Variants in INKA2 observed in about 807,000 individuals in gnomAD.
INKA2 encodes the protein PAK4-inhibitor INKA2.
A neutral mutation model predicts 9.8 loss-of-function variants in INKA2; 3 were observed. That is an observed-to-expected ratio of 0.31 (90% CI 0.14 to 0.79). INKA2 has a LOEUF of 0.79. Ranked by LOEUF, INKA2 falls within the 30% of genes least tolerant of loss-of-function variation. The pLI is 0.62. For missense variants in INKA2, 392 were observed against 384.4 expected (o/e 1.02, Z -0.17); for synonymous variants, 147 against 143.3 (o/e 1.03, Z -0.18).
At chr1:111,737,524 G>T (rs1663032055) in intron 1 of INKA2, among the ~76,000 whole-genome samples, 1 of 152,160 alleles carries the variant, frequency 6.6e-6, no homozygotes, top group Non-Finnish European at 1.5e-5. Context: ...CTCTGCATGG[G>T]TCTTGGACCT....
In INKA2 at chr1:111,751,942, A is replaced by AT. The variant is rs34187656; in HGVS notation, n.124+3758dup. Reference sequence around the variant, plus strand: ...TGTCCAGAAAAATGACATTTCCCAGATTTTTTTTTTTTTTTTGCAAGAAGG... The same window carrying AT: ...TGTCCAGAAAAATGACATTTCCCAGATTTTTTTTTTTTTTTTTGCAAGAAGG... On this transcript the variant is annotated intron_variant and non_coding_transcript_variant, in intron 1 of 1. Coordinates refer to the INKA2 transcript ENST00000444059. Among the ~76,000 whole-genome samples, 1,010 of 142,344 alleles carry AT rather than the reference A, an allele frequency of 7.1e-3. 5 individuals carry two copies. The highest frequency in any genetic ancestry group is 0.018 in the Middle Eastern group (5 of 276). 93.4% of individuals were successfully genotyped at this position (142,344 alleles called of 152,430 possible).
At chr1:111,736,984 C>T (rs183103605) in intron 1 of INKA2, among the ~76,000 whole-genome samples, 2 of 152,256 alleles carry the variant, frequency 1.3e-5, no homozygotes, top group South Asian at 2.1e-4. Flanking sequence ...GTGAGTGACA[C>T]TCTACTAGCT....
Position 111,739,287 on chromosome 1 carries a change from A to T in INKA2, c.-45T>A, listed in dbSNP as rs924608907. 5.6e-6 allele frequency: 9 copies of T among 1,611,328 alleles called. No individual in the cohort carries two copies. The African/African-American group carries it at 1.1e-4, about 19-fold the overall frequency. Reference sequence around the variant, plus strand: ...GGTTCAAACAGAGAGGGCCCGGGTGAAACCCCGGCCCCACTGGAAACTGCG... The same window carrying T: ...GGTTCAAACAGAGAGGGCCCGGGTGTAACCCCGGCCCCACTGGAAACTGCG... On this transcript the variant is annotated 5_prime_UTR_variant, in exon 1 of 2. Coordinates refer to ENST00000357260, the MANE Select transcript of INKA2 (RefSeq NM_019099.5).
At chr1:111,742,526 G>T (rs1663171823), upstream of INKA2, among the ~76,000 whole-genome samples, 2 of 152,238 alleles carry the variant, frequency 1.3e-5, no homozygotes. Context: ...GGAGGTTTCA[G>T]TGAGCCGAAA....
chr1:111,728,835 A>C (rs2101358706), intron 1 of INKA2, among the ~76,000 whole-genome samples: 1 of 151,616 alleles, frequency 6.6e-6, no homozygotes, highest in South Asian at 2.1e-4. Flanking sequence ...ATTTCAGATA[A>C]GGAATGCCCA....
chr1:111,738,746 C>T (rs530775785), intron 1 of INKA2, among the ~76,000 whole-genome samples: 4 of 152,248 alleles, frequency 2.6e-5, no homozygotes, highest in Admixed American at 2.0e-4. Context: ...GGACCCAGCA[C>T]CCTCCTCCTC....
chr1:111,755,649 G>GC (rs896570602), intron 1 of INKA2: 54 of 1,608,372 alleles, frequency 3.4e-5, no homozygotes, highest in Non-Finnish European at 4.5e-5. Flanking sequence ...GCGGGGCGGT[G>GC]CCCCCACCGC....
At chr1:111,747,587 G>T (rs1317542737) in intron 1 of INKA2, 4 of 152,322 alleles carry the variant, frequency 2.6e-5, no homozygotes, top group Admixed American at 2.6e-4. Flanking sequence ...TCATTTACTG[G>T]TGTGCACCCT....
intron 1 of INKA2, among the ~76,000 whole-genome samples, chr1:111,752,497 G>A (rs1663432366): frequency 6.6e-6 from 1 of 152,098 alleles, no homozygotes; most frequent in African/African-American, 2.4e-5. Context: ...GAAAATTTTT[G>A]TTGAATGATT....
intron 1 of INKA2, among the ~76,000 whole-genome samples, chr1:111,737,063 G>A (rs927401365): frequency 2.0e-5 from 3 of 152,096 alleles, no homozygotes; most frequent in Non-Finnish European, 1.5e-5. Flanking sequence ...AGCACCATGG[G>A]GGGTAGTGCA....
At chr1:111,753,353 C>T (rs559966599) in intron 1 of INKA2, 1 of 152,140 alleles carries the variant, frequency 6.6e-6, no homozygotes. Context: ...ATGCTCACAC[C>T]TTACCTAGTT....
At chr1:111,745,231 T>TACACACACACAC (rs67643173) in intron 1 of INKA2, 2 of 112,720 alleles carry the variant, frequency 1.8e-5, no homozygotes, top group African/African-American at 7.3e-5. Flanking sequence ...CAAGCAAATA[T>TACACACACACAC]ACACACACAC....
At chr1:111,737,803 G>T (rs573608350) in intron 1 of INKA2, among the ~76,000 whole-genome samples, 3 of 152,352 alleles carry the variant, frequency 2.0e-5, no homozygotes, top group Non-Finnish European at 2.9e-5. Flanking sequence ...ACTAGAGAGA[G>T]AAATGATCGT....
upstream of INKA2, among the ~76,000 whole-genome samples, chr1:111,742,661 A>G (rs556836140): frequency 3.0e-4 from 46 of 152,402 alleles, 1 homozygote; most frequent in African/African-American, 1.1e-3. Context: ...TTACAGATGA[A>G]GAATGTATTG....
upstream of INKA2, among the ~76,000 whole-genome samples, chr1:111,743,630 A>G (rs1663197693): frequency 6.6e-6 from 1 of 152,216 alleles, no homozygotes; most frequent in Non-Finnish European, 1.5e-5. Flanking sequence ...CCTATCCACC[A>G]GGTCCTAGCC....
Position 111,722,970 on chromosome 1 carries a change from C to T in INKA2, c.*3998G>A. The T allele has an allele frequency of 1.5e-6, 1 of 661,392 alleles. No individual in the cohort carries two copies. The highest frequency in any genetic ancestry group is 1.6e-5 in the South Asian group (1 of 61,054). 41.0% of individuals were successfully genotyped at this position (661,392 alleles called of 1,614,324 possible). On this transcript the variant is annotated 3_prime_UTR_variant, in exon 2 of 2. Coordinates refer to ENST00000357260, the MANE Select transcript of INKA2 (RefSeq NM_019099.5). ...AAATCTCACAGCAGCCCCACATTAT[C>T]ACCTTTCACAGATGAGAAACACAAG...
In INKA2 at chr1:111,726,862, T is replaced by C; in HGVS notation, c.*106A>G. 8.8e-7 allele frequency: 1 copy of C among 1,138,446 alleles called. No homozygotes were observed. Among genetic ancestry groups the C allele is most frequent in the Non-Finnish European group, 1.3e-6 (1 of 790,676 alleles). The allele number at this position is 1,138,446 out of a possible 1,614,324, so 70.5% of individuals were successfully genotyped here. On this transcript the variant is annotated 3_prime_UTR_variant, in exon 2 of 2. Coordinates refer to ENST00000357260, the MANE Select transcript of INKA2 (RefSeq NM_019099.5). ...CCCCGCTTTCTGGGGGAAAGGAACT[T>C]GGAGTTGGGCTTTCGAGAGCCATAC...
chr1:111,742,553 T>C (rs554434364), upstream of INKA2, among the ~76,000 whole-genome samples: 1 of 152,330 alleles, frequency 6.6e-6, no homozygotes, highest in South Asian at 2.1e-4. Flanking sequence ...CACTGCACTG[T>C]AGCCTGGGTG....
intron 1 of INKA2, chr1:111,755,472 CGGGTAGCGTTG>C: frequency 1.8e-6 from 1 of 568,484 alleles, no homozygotes; most frequent in Non-Finnish European, 3.1e-6. Context: ...GGGTACGGAG[CGGGTAGCGTTG>C]GGGAAGAGGT....
Sources: gnomAD v4.1 joint callset for allele counts (sites outside exome capture counted in the v4.1 genomes callset) on GRCh38, gnomAD v4.1.1 for gene constraint, MANE v1.5 for transcripts, NCBI Gene and HGNC (gene_info 2026-07-23, HGNC 2026-07-21) for gene names.